Variants in SGCD observed in about 807,000 individuals in gnomAD.
SGCD encodes the protein sarcoglycan delta.
A neutral mutation model predicts 36.6 loss-of-function variants in SGCD; 18 were observed. The ratio of observed to expected loss-of-function variants is 0.49; its 90% CI spans 0.34 to 0.73. The LOEUF (loss-of-function observed/expected upper bound fraction) is 0.73. Ranked by LOEUF, SGCD falls within the 30% of genes least tolerant of loss-of-function variation. SGCD has a pLI of 0.01. For missense variants in SGCD, 387 were observed against 346.7 expected (o/e 1.12, Z -0.92); for synonymous variants, 133 against 130.6 (o/e 1.02, Z -0.12).
At chr5:156,109,887 A>T (rs971468097) in intron 1 of SGCD, among the ~76,000 whole-genome samples, 4 of 152,198 alleles carry the variant, frequency 2.6e-5, no homozygotes, top group Non-Finnish European at 4.4e-5. Context: ...ATTAGGTACC[A>T]GGGCTTGTTA....
At chr5:156,337,372 T>G (rs73815031) in intron 2 of SGCD, among the ~76,000 whole-genome samples, 6,278 of 152,290 alleles carry the variant, frequency 0.041, 424 homozygotes, top group African/African-American at 0.14. Flanking sequence ...ACTTGTCTTA[T>G]TCTTAAATTA....
intron 3 of SGCD, among the ~76,000 whole-genome samples, chr5:156,392,964 G>A (rs750522218): frequency 7.2e-5 from 11 of 152,120 alleles, no homozygotes; most frequent in Admixed American, 1.3e-4. Flanking sequence ...CAGGATGGGG[G>A]CGTGGCGGGG....
At chr5:155,882,200 G>A (rs1414250599) in intron 1 of SGCD, among the ~76,000 whole-genome samples, 1 of 151,796 alleles carries the variant, frequency 6.6e-6, no homozygotes, top group African/African-American at 2.4e-5. Context: ...CCTCAACTGG[G>A]CCCAAGTGAT....
the SGCD span, among the ~76,000 whole-genome samples, chr5:155,764,282 T>C: frequency 3.3e-5 from 5 of 152,162 alleles, no homozygotes; most frequent in African/African-American, 1.2e-4. Flanking sequence ...AGTTAGCCAG[T>C]ACTCCTTAAA....
the SGCD span, among the ~76,000 whole-genome samples, chr5:155,796,988 T>G: frequency 6.6e-6 from 1 of 151,964 alleles, no homozygotes; most frequent in Non-Finnish European, 1.5e-5. Flanking sequence ...GTTGTTTCTT[T>G]ACAAAGATTA....
At chr5:156,607,809 C>T (rs1318588674) in intron 6 of SGCD, among the ~76,000 whole-genome samples, 2 of 152,304 alleles carry the variant, frequency 1.3e-5, no homozygotes, top group East Asian at 3.9e-4. Context: ...TCCATTTCTT[C>T]TAGATTTTCT....
intron 7 of SGCD, among the ~76,000 whole-genome samples, chr5:156,751,308 CA>C (rs113570565): frequency 0.11 from 17,054 of 152,002 alleles, 1,866 homozygotes; most frequent in African/African-American, 0.29. Context: ...AGACTATACA[CA>C]AAAATTAATA....
At chr5:156,094,382 G>A (rs763964349) in intron 1 of SGCD, among the ~76,000 whole-genome samples, 11 of 152,266 alleles carry the variant, frequency 7.2e-5, no homozygotes, top group South Asian at 2.1e-4. Flanking sequence ...ATTTTCGTTC[G>A]GTCTTTCTGC....
At chr5:155,903,044 C>T (rs1043584901) in intron 1 of SGCD, among the ~76,000 whole-genome samples, 2 of 152,144 alleles carry the variant, frequency 1.3e-5, no homozygotes, top group African/African-American at 4.8e-5. Flanking sequence ...CTAAACATTG[C>T]TAAAACATGA....
chr5:155,831,320 C>T, the SGCD span, among the ~76,000 whole-genome samples: 18 of 152,138 alleles, frequency 1.2e-4, no homozygotes, highest in African/African-American at 3.6e-4. Flanking sequence ...TCCGTGCCTC[C>T]GTCTCCTAGT....
rs750185071 is a variant in SGCD, at chr5:156,548,652, G to A, written c.294+39950G>A. The stretch of plus-strand genomic sequence containing the variant: ...TTTTATTTGTCAAATTCAGAAGATA[G>A]GACTTTCCTTATAACAGTGATATGG... On this transcript the variant is annotated intron_variant, in intron 4 of 8. Transcript: ENST00000337851. Among the ~76,000 whole-genome samples, 34 of 152,018 alleles carry A rather than the reference G, an allele frequency of 2.2e-4. 1 individual carries two copies. The highest frequency in any genetic ancestry group is 4.1e-4 in the Non-Finnish European group (28 of 68,014).
intron 1 of SGCD, among the ~76,000 whole-genome samples, chr5:156,075,700 G>A (rs1760759749): frequency 1.3e-5 from 2 of 152,216 alleles, no homozygotes; most frequent in South Asian, 2.1e-4. Context: ...AATAATTCAA[G>A]TGTGGGGTGA....
chr5:156,423,244 T>A (rs796788824), intron 3 of SGCD, among the ~76,000 whole-genome samples: 6 of 2,770 alleles, frequency 2.2e-3, no homozygotes, highest in African/African-American at 4.7e-3. Context: ...ATATTATATT[T>A]TATAATATTA....
intron 3 of SGCD, among the ~76,000 whole-genome samples, chr5:156,293,758 T>C (rs1475787468): frequency 2.6e-5 from 4 of 152,126 alleles, no homozygotes; most frequent in Non-Finnish European, 5.9e-5. Context: ...AGTCCTTTAG[T>C]TTTGTTCTTC....
the SGCD span, among the ~76,000 whole-genome samples, chr5:155,757,747 G>T: frequency 1.3e-5 from 2 of 152,128 alleles, no homozygotes; most frequent in African/African-American, 4.8e-5. Context: ...TGGCTTCCAG[G>T]ATTCTTAATA....
chr5:156,526,988 G>A (rs986037216), intron 4 of SGCD, among the ~76,000 whole-genome samples: 2 of 152,182 alleles, frequency 1.3e-5, no homozygotes, highest in African/African-American at 4.8e-5. Context: ...TAGGAGAAGT[G>A]TGTTCAAACT....
intron 1 of SGCD, among the ~76,000 whole-genome samples, chr5:156,079,616 C>T (rs530126327): frequency 6.6e-6 from 1 of 152,332 alleles, no homozygotes; most frequent in East Asian, 1.9e-4. Flanking sequence ...GGGCTACAGG[C>T]TCCATGAGAG....
At chr5:155,850,337 GAGGGATAAGAGTCCTGT>G in the SGCD span, among the ~76,000 whole-genome samples, 1 of 152,116 alleles carries the variant, frequency 6.6e-6, no homozygotes, top group African/African-American at 2.4e-5. Context: ...AATGCTCAGA[GAGGGATAAGAGTCCTGT>G]AGGGAGGAAG....
chr5:155,841,170 A>G, the SGCD span, among the ~76,000 whole-genome samples: 9 of 152,160 alleles, frequency 5.9e-5, no homozygotes, highest in Admixed American at 2.0e-4. Flanking sequence ...ATCAATGGGC[A>G]CAATGCTGAT....
Sources: allele counts gnomAD v4.1 joint callset (sites outside exome capture counted in the v4.1 genomes callset), GRCh38; gene constraint gnomAD v4.1.1; transcripts MANE v1.5; gene names NCBI Gene and HGNC (gene_info 2026-07-23, HGNC 2026-07-21).